SPECC1: variants seen among roughly 807,000 people sequenced by gnomAD.
SPECC1 encodes cytospin-B.
SPECC1 carries 62 observed loss-of-function variants against 104.1 expected under a neutral mutation model. That is an observed-to-expected ratio of 0.60 (90% CI 0.49 to 0.74). The LOEUF is 0.74. SPECC1 is among the 30% of genes least tolerant of loss of function. The pLI is 0.00. For synonymous variants in SPECC1, 513 were observed against 501.6 expected (o/e 1.02, Z -0.30); for missense variants, 1,306 against 1,310.5 (o/e 1.00, Z 0.05).
intron 3 of SPECC1, among the ~76,000 whole-genome samples, chr17:20,157,125 C>T (rs1236976309): frequency 1.3e-5 from 2 of 152,186 alleles, no homozygotes; most frequent in South Asian, 2.1e-4. Context: ...TCCGAGTGAC[C>T]TTTTCCGGAG....
intron 7 of SPECC1, among the ~76,000 whole-genome samples, chr17:20,235,546 C>G (rs932571086): frequency 6.6e-6 from 1 of 152,086 alleles, no homozygotes; most frequent in African/African-American, 2.4e-5. Flanking sequence ...TATATTGTGC[C>G]GCATACAAGC....
At chr17:20,271,513 T>C (rs578019230) in intron 12 of SPECC1, among the ~76,000 whole-genome samples, 1 of 152,262 alleles carries the variant, frequency 6.6e-6, no homozygotes, top group African/African-American at 2.4e-5. Context: ...TAAAATCGTC[T>C]TGTTTTTGTC....
intron 4 of SPECC1, among the ~76,000 whole-genome samples, chr17:20,220,295 GTC>G (rs1171610238): frequency 2.0e-5 from 3 of 151,940 alleles, no homozygotes; most frequent in Non-Finnish European, 2.9e-5. Context: ...GACTTATCCA[GTC>G]TCTACACATA....
intron 1 of SPECC1, among the ~76,000 whole-genome samples, chr17:20,064,891 A>G (rs1372137477): frequency 6.6e-6 from 1 of 152,128 alleles, no homozygotes; most frequent in Non-Finnish European, 1.5e-5. Flanking sequence ...CTTATGGTAA[A>G]ATGTCATGCT....
chr17:20,088,067 T>G (rs2047246552), intron 1 of SPECC1, among the ~76,000 whole-genome samples: 1 of 151,716 alleles, frequency 6.6e-6, no homozygotes, highest in African/African-American at 2.4e-5. Flanking sequence ...TGAAGCACAG[T>G]GAGCAGGGGA....
chr17:20,281,469 C>A (rs1250453543), intron 12 of SPECC1, among the ~76,000 whole-genome samples: 1 of 152,172 alleles, frequency 6.6e-6, no homozygotes, highest in Non-Finnish European at 1.5e-5. Flanking sequence ...CCATGCTTCC[C>A]TGCGGTGTAC....
chr17:20,310,415 A>G (rs370126694), intron 14 of SPECC1, among the ~76,000 whole-genome samples: 4 of 152,278 alleles, frequency 2.6e-5, no homozygotes, highest in Admixed American at 1.3e-4. Context: ...CGTTCTATCA[A>G]TAGCCATTCT....
chr17:20,120,422 T>G (rs1489860863), intron 3 of SPECC1, among the ~76,000 whole-genome samples: 1 of 152,086 alleles, frequency 6.6e-6, no homozygotes, highest in Admixed American at 6.5e-5. Flanking sequence ...ATGGAAATTA[T>G]TTAGTGTGTT....
chr17:20,050,363 C>T (rs555397945), intron 1 of SPECC1, among the ~76,000 whole-genome samples: 2 of 152,182 alleles, frequency 1.3e-5, no homozygotes, highest in Non-Finnish European at 2.9e-5. Context: ...CTAGATTTAT[C>T]GTATATTAAA....
chr17:20,170,543 A>G (rs1414521887), intron 3 of SPECC1, among the ~76,000 whole-genome samples: 1 of 152,164 alleles, frequency 6.6e-6, no homozygotes, highest in Non-Finnish European at 1.5e-5. Flanking sequence ...TGCAGGTATC[A>G]CTGGGACCTT....
In SPECC1 at chr17:20,204,949, TAAA is replaced by T; in HGVS notation, c.906_908del (p.Lys302del). ...AGATGTCCAGTGACATTGATGAGTA[TAAA>T]AAAAACATACATGGAAATGCATTAC... On this transcript the variant is annotated inframe_deletion, in exon 4 of 15. Coordinates refer to ENST00000395527, the MANE Select transcript of SPECC1 (RefSeq NM_001243439.2). The T allele has an allele frequency of 6.2e-7, 1 of 1,613,488 alleles. No individual in the cohort carries two copies. The highest frequency in any genetic ancestry group is 8.5e-7 in the Non-Finnish European group (1 of 1,179,822).
Position 20,150,058 on chromosome 17 carries a change from C to T in SPECC1, c.283+39496C>T, listed in dbSNP as rs1187201423. Among the ~76,000 whole-genome samples the T allele has an allele frequency of 6.6e-5, 10 of 152,034 alleles. No individual in the cohort carries two copies. The South Asian group carries it at 1.0e-3, about 16-fold the overall frequency. ...TGCGATCTCGGCTCACTGCAAGCTC[C>T]GCCTCCCGGGTTCACACCATTATCC... On this transcript the variant is annotated intron_variant, in intron 3 of 14. Transcript: ENST00000395527.
chr17:20,161,922 G>A (rs1037052164), intron 3 of SPECC1, among the ~76,000 whole-genome samples: 2 of 151,522 alleles, frequency 1.3e-5, no homozygotes, highest in Non-Finnish European at 2.9e-5. Context: ...AGCCTCTTGA[G>A]TACCTGGGAC....
intron 7 of SPECC1, among the ~76,000 whole-genome samples, chr17:20,233,571 A>C (rs1386802308): frequency 6.6e-6 from 1 of 152,214 alleles, no homozygotes; most frequent in Non-Finnish European, 1.5e-5. Context: ...TGGGGGTCTC[A>C]CTATGTTGCC....
intron 3 of SPECC1, among the ~76,000 whole-genome samples, chr17:20,139,744 G>A (rs898308626): frequency 3.3e-5 from 5 of 151,894 alleles, no homozygotes; most frequent in Non-Finnish European, 5.9e-5. Flanking sequence ...GCGCAATCTC[G>A]GCTCACTGCA....
In SPECC1 at chr17:20,159,652, C is replaced by T. The variant is rs116391451; in HGVS notation, c.284-44681C>T. ...CTCTGTTGTGGTATCTGCAGTCCTCCGAGTTGGGACATCATGACTTAACAT... is the reference window on the plus strand; with the variant it reads ...CTCTGTTGTGGTATCTGCAGTCCTCTGAGTTGGGACATCATGACTTAACAT... On this transcript the variant is annotated intron_variant, in intron 3 of 14. Coordinates refer to ENST00000395527, the MANE Select transcript of SPECC1 (RefSeq NM_001243439.2). 7.6e-3 allele frequency among the ~76,000 whole-genome samples: 1,162 copies of T among 152,232 alleles called. 18 individuals carry two copies. The highest frequency in any genetic ancestry group is 0.027 in the African/African-American group (1,104 of 41,552).
At chr17:20,177,402 A>G (rs1409218417) in intron 3 of SPECC1, among the ~76,000 whole-genome samples, 1 of 152,198 alleles carries the variant, frequency 6.6e-6, no homozygotes, top group African/African-American at 2.4e-5. Flanking sequence ...TCTTCTAGAA[A>G]ATGAAGAAAC....
At chr17:20,121,974 A>C (rs148203880) in intron 3 of SPECC1, among the ~76,000 whole-genome samples, 1 of 152,380 alleles carries the variant, frequency 6.6e-6, no homozygotes, top group East Asian at 1.9e-4. Flanking sequence ...CAAAAGGACT[A>C]TATGAGTGAG....
chr17:20,042,119 C>T (rs2152454435), intron 1 of SPECC1, among the ~76,000 whole-genome samples: 1 of 152,308 alleles, frequency 6.6e-6, no homozygotes, highest in African/African-American at 2.4e-5. Context: ...CTTATTTAAA[C>T]CTGTTTTGAA....
Sources: gnomAD v4.1 joint callset for allele counts (sites outside exome capture counted in the v4.1 genomes callset) on GRCh38, gnomAD v4.1.1 for gene constraint, MANE v1.5 for transcripts, NCBI Gene and HGNC (gene_info 2026-07-23, HGNC 2026-07-21) for gene names.